Variants in ROBO2 observed in about 807,000 individuals in gnomAD.
ROBO2 encodes the protein roundabout homolog 2.
In ROBO2, 53 loss-of-function variants were observed where a neutral mutation model predicts 160.8. The ratio of observed to expected loss-of-function variants is 0.33; its 90% confidence interval spans 0.26 to 0.41. ROBO2 has a LOEUF of 0.41. Ranked by LOEUF, ROBO2 falls within the 10% of genes least tolerant of loss-of-function variation. The pLI, the probability that ROBO2 is intolerant of heterozygous loss-of-function variation, is 1.00. For synonymous variants in ROBO2, 664 were observed against 611.7 expected, an observed-to-expected ratio of 1.09 and a Z score of -1.26; for missense variants, 1,577 against 1,722.4, an observed-to-expected ratio of 0.92 and a Z score of 1.49.
At chr3:76,310,144 A>C (rs2071510372) in intron 2 of ROBO2, among the ~76,000 whole-genome samples, 1 of 152,100 alleles carries the variant, frequency 6.6e-6, no homozygotes. Flanking sequence ...TTCATTTTAT[A>C]TGTATGCCTT....
At chr3:76,013,566 T>C (rs938450649) in intron 2 of ROBO2, among the ~76,000 whole-genome samples, 6 of 150,812 alleles carry the variant, frequency 4.0e-5, no homozygotes, top group African/African-American at 1.5e-4. Flanking sequence ...ATAAAGGCAA[T>C]TGGCGACTGG....
intron 2 of ROBO2, among the ~76,000 whole-genome samples, chr3:76,272,871 A>G (rs1459931515): frequency 1.2e-5 from 1 of 84,582 alleles, no homozygotes; most frequent in African/African-American, 5.1e-5. Context: ...TATAAAATAT[A>G]TAATATATAT....
chr3:76,994,755 A>T (rs545982976), intron 2 of ROBO2, among the ~76,000 whole-genome samples: 167 of 152,292 alleles, frequency 1.1e-3, no homozygotes, highest in African/African-American at 3.9e-3. Context: ...GGAAAAATGT[A>T]TGTTAATATT....
intron 2 of ROBO2, among the ~76,000 whole-genome samples, chr3:76,476,559 T>C (rs2078940629): frequency 6.6e-6 from 1 of 152,162 alleles, no homozygotes; most frequent in Admixed American, 6.6e-5. Context: ...TTTGAAGAAA[T>C]ATCTTATGGA....
rs185740275 is a variant in ROBO2, at chr3:75,994,231, T to C, written c.109+56629T>C. 4.7e-3 allele frequency among the ~76,000 whole-genome samples: 710 copies of C among 152,316 alleles called. 6 individuals are homozygous for C. The highest frequency in any genetic ancestry group is 0.016 in the African/African-American group (683 of 41,576). On this transcript the variant is annotated intron_variant, in intron 2 of 26. Transcript: ENST00000487694. ...GAGATGGGCTTTTTGCTTCATTTAT[T>C]CAGACTCCACCTTTGAAGGTGCCTT... is the stretch of plus-strand genomic sequence containing the variant.
intron 2 of ROBO2, among the ~76,000 whole-genome samples, chr3:76,619,429 C>T (rs531254520): frequency 6.6e-6 from 1 of 151,816 alleles, no homozygotes; most frequent in East Asian, 1.9e-4. Flanking sequence ...TCTTTTCTTA[C>T]GGTGAACTTT....
chr3:77,200,295 ATATATATATATATATATATATATATATT>A (rs1320424881), intron 2 of ROBO2, among the ~76,000 whole-genome samples: 22 of 75,250 alleles, frequency 2.9e-4, no homozygotes, highest in South Asian at 8.1e-4. Context: ...ATATATATAT[ATATATATATATATATATATATATATATT>A]TTAGTTTCTA....
intron 2 of ROBO2, among the ~76,000 whole-genome samples, chr3:76,207,351 A>G (rs1702877021): frequency 6.6e-6 from 1 of 152,188 alleles, no homozygotes; most frequent in Non-Finnish European, 1.5e-5. Flanking sequence ...AGATCTATTC[A>G]TAGTATGACC....
At chr3:77,263,623 T>C (rs561325185) in intron 2 of ROBO2, among the ~76,000 whole-genome samples, 1 of 152,360 alleles carries the variant, frequency 6.6e-6, no homozygotes, top group South Asian at 2.1e-4. Flanking sequence ...ATGGTGTATA[T>C]GCACCCCATT....
chr3:76,913,102 A>T (rs2148942469), intron 2 of ROBO2, among the ~76,000 whole-genome samples: 1 of 152,308 alleles, frequency 6.6e-6, no homozygotes, highest in Non-Finnish European at 1.5e-5. Flanking sequence ...AAAATTTTAA[A>T]TTAATAAGGT....
At chr3:76,294,976 G>C (rs1236152534) in intron 2 of ROBO2, among the ~76,000 whole-genome samples, 1 of 152,128 alleles carries the variant, frequency 6.6e-6, no homozygotes, top group African/African-American at 2.4e-5. Flanking sequence ...TCTGGCTGAG[G>C]GTCAGAAGTG....
At chr3:77,201,297 C>G (rs1297334942) in intron 2 of ROBO2, among the ~76,000 whole-genome samples, 2 of 152,104 alleles carry the variant, frequency 1.3e-5, no homozygotes, top group Non-Finnish European at 2.9e-5. Context: ...TGAGGGAATA[C>G]CTGACCATTT....
intron 2 of ROBO2, among the ~76,000 whole-genome samples, chr3:77,441,881 A>T (rs147589653): frequency 9.7e-4 from 148 of 152,330 alleles, no homozygotes; most frequent in African/African-American, 3.5e-3. Context: ...GCTGATGCTT[A>T]TCAACGTTTT....
intron 2 of ROBO2, among the ~76,000 whole-genome samples, chr3:76,466,707 T>A (rs1197731979): frequency 6.6e-6 from 1 of 152,028 alleles, no homozygotes; most frequent in Non-Finnish European, 1.5e-5. Flanking sequence ...TTTGAGAATG[T>A]GTGTCTTAGA....
chr3:76,996,446 G>A (rs1165488532), intron 2 of ROBO2, among the ~76,000 whole-genome samples: 2 of 152,134 alleles, frequency 1.3e-5, no homozygotes, highest in East Asian at 1.9e-4. Flanking sequence ...CTCTTTTTTG[G>A]TTCCATATGA....
chr3:75,974,352 AAAG>A (rs1576348010), intron 2 of ROBO2, among the ~76,000 whole-genome samples: 1 of 151,792 alleles, frequency 6.6e-6, no homozygotes, highest in East Asian at 2.0e-4. Context: ...CTCAGTTACA[AAAG>A]AAATTATGTT....
At chr3:76,734,851 A>T (rs1429800507) in intron 2 of ROBO2, among the ~76,000 whole-genome samples, 1 of 152,164 alleles carries the variant, frequency 6.6e-6, no homozygotes, top group Non-Finnish European at 1.5e-5. Context: ...TTTAAAATAA[A>T]CTCTTGATTG....
intron 2 of ROBO2, among the ~76,000 whole-genome samples, chr3:76,281,336 C>A (rs1463098890): frequency 6.6e-6 from 1 of 151,854 alleles, no homozygotes; most frequent in African/African-American, 2.4e-5. Flanking sequence ...TATTCTGCAA[C>A]TATATGGGTA....
chr3:77,394,723 G>A (rs1371972965), intron 2 of ROBO2, among the ~76,000 whole-genome samples: 1 of 151,932 alleles, frequency 6.6e-6, no homozygotes, highest in African/African-American at 2.4e-5. Context: ...AACCAAGAAT[G>A]CCTGCATTGT....
Sources: allele counts gnomAD v4.1 joint callset (sites outside exome capture counted in the v4.1 genomes callset), GRCh38; gene constraint gnomAD v4.1.1; transcripts MANE v1.5; gene names NCBI Gene and HGNC (gene_info 2026-07-23, HGNC 2026-07-21).